The following ZFAT variants were observed in gnomAD, a reference collection of about 807,000 sequenced individuals.
The protein encoded by ZFAT is zinc finger protein ZFAT.
In ZFAT, 64 loss-of-function variants were observed where a neutral mutation model predicts 117.7. The observed-to-expected ratio is 0.54, with a 90% CI of 0.44 to 0.67. ZFAT has a LOEUF of 0.67. Ranked by LOEUF, ZFAT falls within the 30% of genes least tolerant of loss-of-function variation. The pLI, the probability that ZFAT is intolerant of heterozygous loss-of-function variation, is 0.00. For missense variants in ZFAT, 1,433 were observed against 1,584.5 expected (o/e 0.90, Z 1.62); for synonymous variants, 679 against 615.0 (o/e 1.10, Z -1.54).
At chr8:134,537,640 T>A (rs959435288) in intron 11 of ZFAT, among the ~76,000 whole-genome samples, 1 of 151,974 alleles carries the variant, frequency 6.6e-6, no homozygotes, top group Non-Finnish European at 1.5e-5. Flanking sequence ...CAACTTCCCA[T>A]TTTGAAATAT....
chr8:134,540,840 A>G (rs923400206), intron 11 of ZFAT, among the ~76,000 whole-genome samples: 2 of 152,340 alleles, frequency 1.3e-5, no homozygotes, highest in South Asian at 4.1e-4. Flanking sequence ...TTTATGAACT[A>G]TATCTAACCA....
chr8:134,826,600 G>A, the ZFAT span, among the ~76,000 whole-genome samples: 3 of 152,052 alleles, frequency 2.0e-5, no homozygotes, highest in African/African-American at 7.2e-5. Context: ...TTAAAAGACT[G>A]TACACCTTAC....
chr8:134,780,219 C>G, the ZFAT span, among the ~76,000 whole-genome samples: 2 of 152,188 alleles, frequency 1.3e-5, no homozygotes, highest in South Asian at 4.1e-4. Flanking sequence ...CTTAATGACT[C>G]TCCCATTCAC....
chr8:134,700,875 A>G (rs1833992276), intron 1 of ZFAT, among the ~76,000 whole-genome samples: 1 of 152,148 alleles, frequency 6.6e-6, no homozygotes, highest in Admixed American at 6.5e-5. Flanking sequence ...TGTACAAGTG[A>G]GTAAGTTCAA....
the ZFAT span, among the ~76,000 whole-genome samples, chr8:134,760,273 G>GAAAAAAAAAAAAAA: frequency 4.7e-5 from 6 of 128,748 alleles, no homozygotes; most frequent in Non-Finnish European, 8.3e-5. Flanking sequence ...GTCTCAAAAA[G>GAAAAAAAAAAAAAA]AAAAAAAAAA....
chr8:134,668,790 C>T (rs182688457), intron 1 of ZFAT, among the ~76,000 whole-genome samples: 4 of 152,206 alleles, frequency 2.6e-5, no homozygotes, highest in East Asian at 1.9e-4. Flanking sequence ...AGGCTTCAGA[C>T]GATTGAACTT....
Position 134,652,236 on chromosome 8 carries a change from C to T in ZFAT, c.196+5325G>A, listed in dbSNP as rs553394726. Among the ~76,000 whole-genome samples, 3 of 152,310 alleles carry T rather than the reference C, an allele frequency of 2.0e-5. No individual in the cohort carries two copies. The East Asian group carries it at 5.8e-4, about 29-fold the overall frequency. ...GAGCCCAGATCGTGCCACTGCACTC[C>T]AGCCTGGGCAAATGAGCGAGACTCT... is the stretch of plus-strand genomic sequence containing the variant. On this transcript the variant is annotated intron_variant, in intron 2 of 15. Transcript: ENST00000377838.
intron 1 of ZFAT, among the ~76,000 whole-genome samples, chr8:134,708,120 T>A (rs1419992062): frequency 6.6e-6 from 1 of 152,216 alleles, no homozygotes; most frequent in Non-Finnish European, 1.5e-5. Flanking sequence ...TTCTCTTACA[T>A]GTGAACTCTA....
At chr8:134,753,232 C>CCAACAACAACAA in the ZFAT span, among the ~76,000 whole-genome samples, 6,715 of 149,810 alleles carry the variant, frequency 0.045, 478 homozygotes, top group African/African-American at 0.16. Context: ...AACGAACCAA[C>CCAACAACAACAA]CAACAACAAC....
intron 7 of ZFAT, chr8:134,599,742 G>C (rs957878364): frequency 2.2e-6 from 1 of 455,896 alleles, no homozygotes; most frequent in Non-Finnish European, 4.4e-6. Flanking sequence ...GGGGCCAGAT[G>C]TGCTTCCTTT....
intron 15 of ZFAT, among the ~76,000 whole-genome samples, chr8:134,492,036 T>G (rs1474504377): frequency 6.6e-6 from 1 of 152,092 alleles, no homozygotes; most frequent in African/African-American, 2.4e-5. Context: ...TTTTTGTTTT[T>G]TTTTTCAGTC....
chr8:134,763,571 T>A, the ZFAT span, among the ~76,000 whole-genome samples: 1 of 152,308 alleles, frequency 6.6e-6, no homozygotes, highest in East Asian at 1.9e-4. Context: ...ATTTACACAT[T>A]TATTTATTCA....
At chr8:134,583,459 T>G (rs1319618926) in intron 10 of ZFAT, among the ~76,000 whole-genome samples, 1 of 152,152 alleles carries the variant, frequency 6.6e-6, no homozygotes, top group African/African-American at 2.4e-5. Flanking sequence ...TCAGGCCAGG[T>G]GTGATCAAGG....
chr8:134,740,434 C>T, the ZFAT span, among the ~76,000 whole-genome samples: 1 of 152,216 alleles, frequency 6.6e-6, no homozygotes, highest in Non-Finnish European at 1.5e-5. Flanking sequence ...TTTAATTACT[C>T]AAACTTTCTG....
intron 1 of ZFAT, 42 bp downstream of exon 1, chr8:134,712,798 GCGCCC>G: frequency 7.4e-7 from 1 of 1,347,246 alleles, no homozygotes; most frequent in Non-Finnish European, 1.0e-6. Context: ...GCGCCGCGCC[GCGCCC>G]CACCCCCACC....
chr8:134,808,500 G>C, the ZFAT span, among the ~76,000 whole-genome samples: 1 of 152,228 alleles, frequency 6.6e-6, no homozygotes, highest in African/African-American at 2.4e-5. Context: ...GAACAACCAA[G>C]TACCTGGTGA....
intron 2 of ZFAT, among the ~76,000 whole-genome samples, chr8:134,642,258 A>T (rs954297706): frequency 1.3e-5 from 2 of 152,194 alleles, no homozygotes; most frequent in African/African-American, 4.8e-5. Context: ...GGGTAAGAAA[A>T]GGTCAGCACT....
At position 134,610,579 on chromosome 8, in the gene ZFAT, T is replaced by C. The variant is rs1198954697; in HGVS notation, c.525A>G (p.Ser175=). The C allele has an allele frequency of 6.2e-7, 1 of 1,614,156 alleles. No individual in the cohort carries two copies. The highest frequency in any genetic ancestry group is 8.5e-7 in the Non-Finnish European group (1 of 1,180,058). Residue 175 remains serine, a synonymous_variant, in exon 4 of 16, where the codon TCA becomes TCG. Transcript: ENST00000377838. ...TCTTCTGGACTTTCTCTGTTTTCTGTGACCGTGGTCTTTTCGAGGCTTTTT... is the reference window on the plus strand; with the variant it reads ...TCTTCTGGACTTTCTCTGTTTTCTGCGACCGTGGTCTTTTCGAGGCTTTTT... The part of the protein sequence containing the change: ...DREKASKRPR[S]QKTEKVQKIS...
At chr8:134,812,546 C>T in the ZFAT span, among the ~76,000 whole-genome samples, 2 of 152,160 alleles carry the variant, frequency 1.3e-5, no homozygotes, top group Non-Finnish European at 2.9e-5. Flanking sequence ...GCCTGCCTGG[C>T]CAACATGGTG....
Sources: allele counts gnomAD v4.1 joint callset (sites outside exome capture counted in the v4.1 genomes callset), GRCh38; gene constraint gnomAD v4.1.1; transcripts MANE v1.5; gene names NCBI Gene and HGNC (gene_info 2026-07-23, HGNC 2026-07-21).